The following DPYSL2 variants were observed in gnomAD, a reference collection of about 807,000 sequenced individuals.
DPYSL2 encodes the protein dihydropyrimidinase-related protein 2.
Under a neutral mutation model 69.9 loss-of-function variants are expected in DPYSL2, and 13 were observed. That is an observed-to-expected ratio of 0.19 (90% CI 0.12 to 0.30). The LOEUF is 0.30. Among genes scored for constraint, DPYSL2 ranks in the 10% least tolerant of loss-of-function variants. The pLI is 1.00. For synonymous variants in DPYSL2, 326 were observed against 359.1 expected, an observed-to-expected ratio of 0.91 and a Z score of 1.04; for missense variants, 587 against 918.9, an observed-to-expected ratio of 0.64 and a Z score of 4.67.
At chr8:26,529,284 T>TATCTATC (rs1563375847) in intron 1 of DPYSL2, among the ~76,000 whole-genome samples, 9 of 77,386 alleles carry the variant, frequency 1.2e-4, no homozygotes, top group Non-Finnish European at 2.5e-4. Context: ...ATCATCTATC[T>TATCTATC]ATCTATCTAT....
Position 26,627,996 on chromosome 8 carries a change from G to A in DPYSL2, c.1005+56G>A. 6.4e-7 allele frequency: 1 copy of A among 1,560,456 alleles called. No homozygotes were observed. Among genetic ancestry groups the A allele is most frequent in the Non-Finnish European group, 8.7e-7 (1 of 1,144,350 alleles). On this transcript the variant is annotated intron_variant, in intron 7 of 13. Coordinates refer to ENST00000521913, the MANE Select transcript of DPYSL2 (RefSeq NM_001197293.3). The surrounding 1 kb of genome is among the most constrained non-coding windows in gnomAD (Gnocchi z 6.9). The stretch of plus-strand genomic sequence containing the variant: ...CAGTGTCCCTTGGGCACTGTGCAGA[G>A]CCTCAGGGAACCTGCTTCCTGCCTG...
At chr8:26,541,513 A>T (rs1379328925) in intron 1 of DPYSL2, among the ~76,000 whole-genome samples, 3 of 152,236 alleles carry the variant, frequency 2.0e-5, no homozygotes, top group Non-Finnish European at 2.9e-5. Flanking sequence ...TGAAAGCATA[A>T]ATCACACAGG....
Position 26,621,864 on chromosome 8 carries a change from G to T in DPYSL2, c.629-2279G>T, listed in dbSNP as rs1802488688. Among the ~76,000 whole-genome samples, 1 of 152,198 alleles carries T rather than the reference G, an allele frequency of 6.6e-6. No homozygotes were observed. The highest frequency in any genetic ancestry group is 1.5e-5 in the Non-Finnish European group (1 of 68,040). On this transcript the variant is annotated intron_variant, in intron 3 of 13. Transcript: ENST00000521913. This position sits in a 1 kb window ranked among gnomAD's most constrained non-coding sequence, Gnocchi z 4.9. ...TAGGACCGGATCTGACTGGCCAAGAGAAAGAGTTTGAATTGGACTCTAAGG... is the reference window on the plus strand; with the variant it reads ...TAGGACCGGATCTGACTGGCCAAGATAAAGAGTTTGAATTGGACTCTAAGG...
chr8:26,629,030 A>G (rs1802678804), intron 7 of DPYSL2, among the ~76,000 whole-genome samples: 1 of 152,092 alleles, frequency 6.6e-6, no homozygotes, highest in African/African-American at 2.4e-5. Context: ...ATCCTTTCAG[A>G]CTTGAGGGGA....
chr8:26,579,954 G>C (rs1036522892), intron 1 of DPYSL2, among the ~76,000 whole-genome samples: 84 of 122,524 alleles, frequency 6.9e-4, no homozygotes, highest in Non-Finnish European at 9.7e-4. Context: ...TTTAAAGAGC[G>C]CCCCCCCCCC....
chr8:26,615,892 G>C (rs767202753), intron 3 of DPYSL2, among the ~76,000 whole-genome samples: 1 of 152,180 alleles, frequency 6.6e-6, no homozygotes, highest in Non-Finnish European at 1.5e-5. Flanking sequence ...AAGGCAGCAC[G>C]TGCTTTGGAG....
At chr8:26,532,946 T>C (rs530005741) in intron 1 of DPYSL2, among the ~76,000 whole-genome samples, 1 of 152,340 alleles carries the variant, frequency 6.6e-6, no homozygotes, top group East Asian at 1.9e-4. Context: ...GCCAAACTGT[T>C]TCCCAAAGTG....
Position 26,565,692 on chromosome 8 carries a change from G to A in DPYSL2, c.355-16277G>A, listed in dbSNP as rs572798430. 9.3e-4 allele frequency among the ~76,000 whole-genome samples: 142 copies of A among 152,266 alleles called. No homozygotes were observed. Among genetic ancestry groups the A allele is most frequent in the African/African-American group, 3.2e-3 (134 of 41,560 alleles). ...TAGACTCCACTATGTATAATGACTCGAGCACAAAAGGAGTTTATTTGTATA... is the reference window on the plus strand; with the variant it reads ...TAGACTCCACTATGTATAATGACTCAAGCACAAAAGGAGTTTATTTGTATA... On this transcript the variant is annotated intron_variant, in intron 1 of 13. Coordinates refer to ENST00000521913, the MANE Select transcript of DPYSL2 (RefSeq NM_001197293.3). This position sits in a 1 kb window ranked among gnomAD's most constrained non-coding sequence, Gnocchi z 4.1.
In DPYSL2 at chr8:26,624,653, G is replaced by A. The variant is rs1467803165; in HGVS notation, c.793+346G>A. Among the ~76,000 whole-genome samples the A allele has an allele frequency of 6.6e-6, 1 of 152,158 alleles. No homozygotes were observed. The highest frequency in any genetic ancestry group is 1.5e-5 in the Non-Finnish European group (1 of 68,020). ...CTGAGAGAGAGATTTACCCTCAAAA[G>A]ATAACAAATACATATCTCAGTGAGG... On this transcript the variant is annotated intron_variant, in intron 4 of 13. Transcript: ENST00000521913. This position sits in a 1 kb window ranked among gnomAD's most constrained non-coding sequence, Gnocchi z 4.7.
chr8:26,623,909 G>T (rs984627349), intron 3 of DPYSL2: 3 of 511,794 alleles, frequency 5.9e-6, no homozygotes, highest in Non-Finnish European at 7.0e-6. Flanking sequence ...TCAGATCTGG[G>T]CAGTGCATGT....
intron 8 of DPYSL2, among the ~76,000 whole-genome samples, chr8:26,639,298 A>G (rs562947254): frequency 6.6e-6 from 1 of 152,320 alleles, no homozygotes; most frequent in African/African-American, 2.4e-5. Flanking sequence ...TATTTAAGGA[A>G]TCAACTCACA....
intron 1 of DPYSL2, chr8:26,578,212 C>G: frequency 6.2e-7 from 1 of 1,612,194 alleles, no homozygotes; most frequent in East Asian, 2.2e-5. Context: ...CAGTTTTTGC[C>G]TTAAAGCTGC....
intron 1 of DPYSL2, among the ~76,000 whole-genome samples, chr8:26,527,394 T>C (rs951160680): frequency 3.9e-5 from 6 of 152,232 alleles, no homozygotes; most frequent in Non-Finnish European, 5.9e-5. Context: ...CCTTGTGGTG[T>C]AGTAATTTTT....
At chr8:26,583,468 C>T (rs1303134715) in intron 2 of DPYSL2, among the ~76,000 whole-genome samples, 4 of 151,928 alleles carry the variant, frequency 2.6e-5, no homozygotes, top group East Asian at 1.9e-4. Context: ...ATAATTAGCT[C>T]AATTGCAAGT....
chr8:26,612,370 TA>T (rs1482555369), intron 3 of DPYSL2, among the ~76,000 whole-genome samples: 1 of 152,226 alleles, frequency 6.6e-6, no homozygotes, highest in African/African-American at 2.4e-5. Flanking sequence ...GGGGGAAAGT[TA>T]TTTGCATGAA....
intron 1 of DPYSL2, among the ~76,000 whole-genome samples, chr8:26,544,501 T>C (rs559460271): frequency 1.3e-5 from 2 of 152,362 alleles, no homozygotes; most frequent in South Asian, 4.1e-4. Context: ...ACTAGATGTT[T>C]CATATAAGGA....
chr8:26,546,590 A>G (rs1800771618), intron 1 of DPYSL2, among the ~76,000 whole-genome samples: 1 of 152,140 alleles, frequency 6.6e-6, no homozygotes, highest in African/African-American at 2.4e-5. Flanking sequence ...CTAGTTTCTT[A>G]TCTGAGATGC....
At chr8:26,635,792 C>T (rs757138922) in intron 8 of DPYSL2, among the ~76,000 whole-genome samples, 2 of 152,146 alleles carry the variant, frequency 1.3e-5, no homozygotes, top group Non-Finnish European at 2.9e-5. Context: ...ATTTCTGTTT[C>T]ATTTTATCTT....
At chr8:26,578,639 A>G (rs894438153) in intron 1 of DPYSL2, 25 of 1,135,054 alleles carry the variant, frequency 2.2e-5, no homozygotes, top group Non-Finnish European at 2.7e-5. Context: ...GCATGCCTGG[A>G]GCTCGGATAT....
Sources: gnomAD v4.1 joint callset for allele counts (sites outside exome capture counted in the v4.1 genomes callset) on GRCh38, gnomAD v4.1.1 for gene constraint, Gnocchi (gnomAD v3.1) non-coding constraint, MANE v1.5 for transcripts, NCBI Gene and HGNC (gene_info 2026-07-23, HGNC 2026-07-21) for gene names.